RABL6: variants seen among roughly 807,000 people sequenced by gnomAD.
RABL6 encodes the protein RAB, member RAS oncogene family like 6.
Under a neutral mutation model 72.9 loss-of-function variants are expected in RABL6, and 28 were observed. The observed-to-expected ratio is 0.38, with a 90% CI of 0.28 to 0.53. RABL6 has a LOEUF of 0.53. Among genes scored for constraint, RABL6 ranks in the 20% least tolerant of loss-of-function variants. The probability of loss-of-function intolerance (pLI) is 0.80; values close to 1 mark genes in which losing one functional copy is unlikely to be tolerated. For synonymous variants in RABL6, 477 were observed against 421.2 expected (o/e 1.13, Z -1.62); for missense variants, 1,029 against 1,008.4 (o/e 1.02, Z -0.28).
chr9:136,823,702 C>T (rs1175043944), intron 2 of RABL6, 43 bp downstream of exon 2: 10 of 1,555,418 alleles, frequency 6.4e-6, no homozygotes, highest in Non-Finnish European at 8.7e-6. Context: ...CTCCAGGCTT[C>T]TCCTCCCTCA....
chr9:136,839,144 G>A (rs1187812457), intron 11 of RABL6, 23 bp downstream of exon 11: 12 of 1,609,266 alleles, frequency 7.5e-6, no homozygotes, highest in Admixed American at 1.7e-5. Flanking sequence ...GTCCCCACGG[G>A]TGCGGCCTGG....
At position 136,840,717 on chromosome 9, in the gene RABL6, G is replaced by A. The variant is rs926445785; in HGVS notation, c.*195G>A. ...GGGCCTTCAGGCCCAGTGTGAGCCT[G>A]CTCTGCAAGAAGGGAGGGGACAGCT... On this transcript the variant is annotated 3_prime_UTR_variant, in exon 15 of 15. Transcript: ENST00000311502. The A allele has an allele frequency of 6.5e-7, 1 of 1,548,696 alleles. No homozygotes were observed. The highest frequency in any genetic ancestry group is 1.2e-5 in the South Asian group (1 of 83,982).
intron 7 of RABL6, chr9:136,834,139 T>C: frequency 7.7e-7 from 1 of 1,297,306 alleles, no homozygotes; most frequent in East Asian, 2.8e-5. Flanking sequence ...CTCTTTGTCT[T>C]GCCCCTGGAT....
Position 136,839,326 on chromosome 9 carries a change from G to C in RABL6, c.1598G>C (p.Arg533Pro), listed in dbSNP as rs191432837. 6.2e-7 allele frequency: 1 copy of C among 1,612,498 alleles called. No homozygotes were observed. Among genetic ancestry groups the C allele is most frequent in the Admixed American group, 1.7e-5 (1 of 59,954 alleles). Residue 533 changes from arginine (R) to proline (P), a missense_variant, in exon 12 of 15, where the codon CGC becomes CCC. Transcript: ENST00000311502. ...GVSVRTGPEK[R>P]SSTRPPAEME... ...TCTGTTCGCACAGGTCCGGAGAAGCGCAGCAGCACCAGGCCCCCTGCTGAG... is the reference window on the plus strand; with the variant it reads ...TCTGTTCGCACAGGTCCGGAGAAGCCCAGCAGCACCAGGCCCCCTGCTGAG...
intron 1 of RABL6, among the ~76,000 whole-genome samples, chr9:136,812,500 C>T (rs770980156): frequency 5.9e-5 from 9 of 151,768 alleles, no homozygotes; most frequent in Non-Finnish European, 1.2e-4. Flanking sequence ...CAGAGGTTGC[C>T]GTGAGCCAAG....
intron 1 of RABL6, chr9:136,821,903 C>T (rs1471539996): frequency 3.1e-6 from 4 of 1,281,184 alleles, no homozygotes; most frequent in African/African-American, 1.5e-5. Context: ...CCACCGTGGC[C>T]GTGAGGGCGC....
In RABL6 at chr9:136,840,383, G is replaced by T; in HGVS notation, c.2051G>T (p.Gly684Val). The part of the protein sequence containing the change: ...KHKKSKDKEE[G>V]KEERRRRQQR... ...AAGAAGAGCAAGGACAAGGAGGAGG[G>T]CAAGGAGGAGCGGCGACGGCGGCAG... The change falls in exon 15 of 15, where the codon GGC becomes GTC. Residue 684 changes from glycine to valine, a missense_variant. Gly to Val is a moderately radical substitution (Grantham distance 109). Around this residue, in one of 2 missense-constraint regions of RABL6, gnomAD observed 595 missense variants for 472.4 expected, o/e 1.26. Coordinates refer to ENST00000311502, the MANE Select transcript of RABL6 (RefSeq NM_024718.5). The T allele has an allele frequency of 6.4e-7, 1 of 1,553,526 alleles. No individual in the cohort carries two copies. Among genetic ancestry groups the T allele is most frequent in the Non-Finnish European group, 8.7e-7 (1 of 1,148,684 alleles).
intron 3 of RABL6, 74 bp downstream of exon 3, chr9:136,825,900 CCCCGGCGCCCATGCATCA>C: frequency 6.6e-7 from 1 of 1,523,948 alleles, no homozygotes. Context: ...CCTTTCTTTC[CCCCGGCGCCCATGCATCA>C]CCCACCATCC....
chr9:136,834,241 G>A (rs574266399), intron 7 of RABL6: 86 of 1,163,938 alleles, frequency 7.4e-5, no homozygotes, highest in South Asian at 1.9e-4. Flanking sequence ...TAACCTGACC[G>A]TAGTACCTAA....
intron 6 of RABL6, 154 bp from the exon 7 acceptor site, chr9:136,832,111 T>A: frequency 1.1e-6 from 1 of 880,512 alleles, no homozygotes; most frequent in Non-Finnish European, 1.7e-6. Context: ...GGCACTCGGC[T>A]TAGCTGCTTA....
rs1034993410 is a variant in RABL6 at position 136,840,435 on chromosome 9, G to C, written c.2103G>C (p.Arg701Ser). ...RQQRPPRSRE[R>S]TAADELEAFL... is the part of the protein sequence containing the mutation. ...AGCGGCCCCCGCGCAGCAGGGAGAG[G>C]ACGGCTGCCGATGAGCTGGAGGCTT... The change falls in exon 15 of 15, where the codon AGG becomes AGC. Residue 701 changes from arginine (R) to serine (S), a missense_variant. Physicochemically the swap from Arg to Ser is moderately radical, Grantham distance 110 (BLOSUM62 -1). Around this residue, in one of 2 missense-constraint regions of RABL6, gnomAD observed 595 missense variants for 472.4 expected, o/e 1.26. Transcript: ENST00000311502. The C allele has an allele frequency of 3.9e-6, 6 of 1,548,416 alleles. No homozygotes were observed. The highest frequency in any genetic ancestry group is 5.2e-6 in the Non-Finnish European group (6 of 1,146,370).
intron 7 of RABL6, chr9:136,833,714 C>G (rs770149545): frequency 6.5e-7 from 1 of 1,550,226 alleles, no homozygotes; most frequent in Non-Finnish European, 8.7e-7. Context: ...CTTGGTCTTT[C>G]TCCAGAAGGA....
At chr9:136,827,547 T>A (rs1848385809) in intron 3 of RABL6, 1 of 152,270 alleles carries the variant, frequency 6.6e-6, no homozygotes, top group Non-Finnish European at 1.5e-5. Context: ...TGAGCATCCT[T>A]CCTGGGTGCA....
In RABL6 at chr9:136,808,036, C is replaced by T. The variant is rs2131145237; in HGVS notation, c.-161C>T. 3 of 1,055,812 alleles carry T rather than the reference C, an allele frequency of 2.8e-6. No homozygotes were observed. The highest frequency in any genetic ancestry group is 3.4e-6 in the Non-Finnish European group (3 of 871,868). The allele number at this position is 1,055,812 out of a possible 1,614,324, so 65.4% of individuals were successfully genotyped here. A position where few individuals can be genotyped will look rare whatever the true frequency, so the allele number is the denominator to read the frequency against. Reference sequence around the variant, plus strand: ...GCCGCGGCTGAGGTTCCCGAGTCGCCGCTCGGGGCTGCGCTCCGCCGCCGG... The same window carrying T: ...GCCGCGGCTGAGGTTCCCGAGTCGCTGCTCGGGGCTGCGCTCCGCCGCCGG... On this transcript the variant is annotated 5_prime_UTR_variant, in exon 1 of 15. Coordinates refer to ENST00000311502, the MANE Select transcript of RABL6 (RefSeq NM_024718.5).
chr9:136,813,088 C>G (rs188016168), intron 1 of RABL6: 4 of 388,558 alleles, frequency 1.0e-5, no homozygotes, highest in Non-Finnish European at 2.0e-5. Flanking sequence ...TACCCTTGCC[C>G]AACAAAGCTG....
At position 136,840,438 on chromosome 9, in the gene RABL6, G is replaced by C; in HGVS notation, c.2106G>C (p.Thr702=). 7 of 1,548,096 alleles carry C rather than the reference G, an allele frequency of 4.5e-6. No individual in the cohort carries two copies. The highest frequency in any genetic ancestry group is 1.2e-5 in the South Asian group (1 of 83,952). ...QQRPPRSRER[T]AADELEAFLG... is the part of the protein sequence containing the mutation. Reference sequence around the variant, plus strand: ...GGCCCCCGCGCAGCAGGGAGAGGACGGCTGCCGATGAGCTGGAGGCTTTCC... The same window carrying C: ...GGCCCCCGCGCAGCAGGGAGAGGACCGCTGCCGATGAGCTGGAGGCTTTCC... Residue 702 remains threonine (T), a synonymous_variant, in exon 15 of 15, where the codon ACG becomes ACC. Coordinates refer to ENST00000311502, the MANE Select transcript of RABL6 (RefSeq NM_024718.5).
chr9:136,829,341 C>T (rs1305050386), intron 4 of RABL6, 52 bp from the exon 5 acceptor site: 21 of 1,413,960 alleles, frequency 1.5e-5, no homozygotes, highest in Middle Eastern at 1.7e-4. Context: ...GTGGGCCACA[C>T]GGGTGGGGCC....
At chr9:136,813,416 C>T (rs1038339731) in intron 1 of RABL6, 17 of 828,842 alleles carry the variant, frequency 2.1e-5, no homozygotes, top group Non-Finnish European at 2.7e-5. Context: ...TTTTGATTCA[C>T]CCCTCCAAGT....
intron 2 of RABL6, among the ~76,000 whole-genome samples, chr9:136,824,888 G>A (rs978489652): frequency 1.3e-5 from 2 of 152,232 alleles, no homozygotes; most frequent in East Asian, 3.8e-4. Context: ...CTGGTTTGGG[G>A]TGAGGCTGAT....
Sources: gnomAD v4.1 joint callset for allele counts (sites outside exome capture counted in the v4.1 genomes callset) on GRCh38, gnomAD v4.1.1 for gene constraint, gnomAD v4.1.1 regional missense constraint, MANE v1.5 for transcripts, NCBI Gene and HGNC (gene_info 2026-07-23, HGNC 2026-07-21) for gene names.